SYTL5: variants seen among roughly 807,000 people sequenced by gnomAD.
SYTL5 encodes synaptotagmin-like protein 5.
Under a neutral mutation model 55.9 loss-of-function variants are expected in SYTL5, and 34 were observed. The observed-to-expected ratio is 0.61, with a 90% confidence interval of 0.46 to 0.81. SYTL5 has a LOEUF of 0.81. Among genes scored for constraint, SYTL5 ranks in the 30% least tolerant of loss-of-function variants. The pLI is 0.00. For missense variants in SYTL5, 637 were observed against 546.7 expected, an observed-to-expected ratio of 1.17 and a Z score of -1.65; for synonymous variants, 221 against 188.7, an observed-to-expected ratio of 1.17 and a Z score of -1.40.
intron 2 of SYTL5, among the ~76,000 whole-genome samples, chrX:38,051,365 T>C (rs543470728): frequency 4.1e-4 from 46 of 111,682 alleles, no homozygotes; most frequent in African/African-American, 1.3e-3. Flanking sequence ...TATTGATTAT[T>C]CCATGGAGAG....
the SYTL5 span, among the ~76,000 whole-genome samples, chrX:37,922,421 T>A: frequency 9.7e-3 from 1,087 of 112,296 alleles, 11 homozygotes; most frequent in African/African-American, 0.033. Flanking sequence ...TTCCAGTTGA[T>A]GATCCATTTT....
At chrX:37,900,837 G>A in the SYTL5 span, among the ~76,000 whole-genome samples, 2 of 111,332 alleles carry the variant, frequency 1.8e-5, no homozygotes, top group Non-Finnish European at 3.8e-5. Flanking sequence ...CCACTCCTGG[G>A]ATTTTGTTTT....
chrX:38,045,813 G>A (rs977657979), intron 2 of SYTL5, among the ~76,000 whole-genome samples: 2 of 112,113 alleles, frequency 1.8e-5, no homozygotes, highest in African/African-American at 6.5e-5. Context: ...AATGTATTAA[G>A]ATAGAGTCAT....
intron 3 of SYTL5, among the ~76,000 whole-genome samples, chrX:38,069,456 A>C (rs1479137460): frequency 8.9e-6 from 1 of 111,788 alleles, no homozygotes; most frequent in Non-Finnish European, 1.9e-5. Flanking sequence ...TGGCTGTCAG[A>C]ATGAGGTGCT....
upstream of SYTL5, among the ~76,000 whole-genome samples, chrX:38,002,550 C>G (rs1032724009): frequency 8.1e-4 from 91 of 111,741 alleles, no homozygotes; most frequent in African/African-American, 2.9e-3. Context: ...TTTGGATGAT[C>G]GCCATTCTAA....
chrX:37,926,190 A>G, the SYTL5 span, among the ~76,000 whole-genome samples: 1 of 111,570 alleles, frequency 9.0e-6, no homozygotes, highest in Non-Finnish European at 1.9e-5. Context: ...GAATCTCCAT[A>G]CTGTTTTGGT....
intron 7 of SYTL5, among the ~76,000 whole-genome samples, chrX:38,092,770 T>C (rs1446523280): frequency 9.0e-6 from 1 of 111,336 alleles, no homozygotes. Flanking sequence ...CAATCAAGTA[T>C]ACACCTAATA....
the SYTL5 span, among the ~76,000 whole-genome samples, chrX:37,945,357 G>T: frequency 9.0e-6 from 1 of 111,537 alleles, no homozygotes; most frequent in Non-Finnish European, 1.9e-5. Context: ...ATCTTACTTT[G>T]TATTCCTGGA....
At chrX:37,891,028 A>G in the SYTL5 span, among the ~76,000 whole-genome samples, 2 of 111,971 alleles carry the variant, frequency 1.8e-5, no homozygotes, top group Admixed American at 9.4e-5. Flanking sequence ...ATAAAAATGT[A>G]AAAAGTAGAT....
the SYTL5 span, among the ~76,000 whole-genome samples, chrX:37,974,744 A>T: frequency 8.9e-6 from 1 of 112,582 alleles, no homozygotes; most frequent in Non-Finnish European, 1.9e-5. Context: ...AAATGTTACA[A>T]AAAGTTTCAA....
chrX:37,974,028 G>A, the SYTL5 span, among the ~76,000 whole-genome samples: 5 of 111,709 alleles, frequency 4.5e-5, no homozygotes, highest in Non-Finnish European at 9.4e-5. Flanking sequence ...GAGTAAAATG[G>A]TAGCTACCAG....
chrX:37,990,620 T>C, the SYTL5 span, among the ~76,000 whole-genome samples: 31 of 111,965 alleles, frequency 2.8e-4, no homozygotes, highest in Middle Eastern at 4.6e-3. Context: ...CGTGACTAGA[T>C]CAGTGTCATA....
At chrX:37,968,166 C>T in the SYTL5 span, among the ~76,000 whole-genome samples, 1 of 110,343 alleles carries the variant, frequency 9.1e-6, no homozygotes, top group African/African-American at 3.3e-5. Context: ...GTTCCTTGTT[C>T]TGGAATATAT....
At chrX:38,108,842 T>A in intron 12 of SYTL5, 143 bp downstream of exon 12, 2 of 412,912 alleles carry the variant, frequency 4.8e-6, no homozygotes. Flanking sequence ...ATTAACATAA[T>A]AACCTTGACT....
the SYTL5 span, among the ~76,000 whole-genome samples, chrX:37,962,791 T>C: frequency 2.7e-5 from 3 of 112,176 alleles, no homozygotes; most frequent in African/African-American, 6.5e-5. Context: ...TGGTATCTCA[T>C]TGTGGTTTTG....
the SYTL5 span, among the ~76,000 whole-genome samples, chrX:37,909,525 T>A: frequency 1.8e-5 from 2 of 110,844 alleles, no homozygotes; most frequent in Non-Finnish European, 1.9e-5. Flanking sequence ...TGTTAGTGTA[T>A]TTTATGTGTG....
chrX:38,115,156 T>C (rs1937452601), intron 13 of SYTL5, among the ~76,000 whole-genome samples: 1 of 111,849 alleles, frequency 8.9e-6, no homozygotes, highest in Non-Finnish European at 1.9e-5. Flanking sequence ...TGAATCACGC[T>C]GCAATGAGCA....
chrX:38,117,967 C>G (rs1003610870), intron 13 of SYTL5, among the ~76,000 whole-genome samples: 3 of 111,560 alleles, frequency 2.7e-5, no homozygotes, highest in African/African-American at 9.8e-5. Flanking sequence ...CACACAGACC[C>G]AAAGAGAGGT....
intron 3 of SYTL5, among the ~76,000 whole-genome samples, chrX:38,055,808 G>A (rs929025383): frequency 9.0e-6 from 1 of 111,494 alleles, no homozygotes; most frequent in Admixed American, 9.5e-5. Flanking sequence ...TTTAATACTG[G>A]ATTGAGATAA....
Sources: allele counts gnomAD v4.1 joint callset (sites outside exome capture counted in the v4.1 genomes callset), GRCh38; gene constraint gnomAD v4.1.1; transcripts MANE v1.5; gene names NCBI Gene and HGNC (gene_info 2026-07-23, HGNC 2026-07-21).